The following RGS22 variants were observed in gnomAD, a reference collection of about 807,000 sequenced individuals.
RGS22 encodes regulator of G protein signaling 22.
RGS22 carries 148 observed loss-of-function variants against 172.9 expected under a neutral mutation model. That is an observed-to-expected ratio of 0.86 (90% CI 0.75 to 0.98). The LOEUF (loss-of-function observed/expected upper bound fraction) is 0.98, where lower values mean the gene tolerates loss of function less well. Ranked by LOEUF, RGS22 falls within the 50% of genes least tolerant of loss-of-function variation. The pLI, the probability that RGS22 is intolerant of heterozygous loss-of-function variation, is 0.00. For missense variants in RGS22, 1,347 were observed against 1,440.8 expected (o/e 0.93, Z 1.05); for synonymous variants, 458 against 480.2 (o/e 0.95, Z 0.60).
chr8:100,037,255 C>T (rs1819606573), intron 14 of RGS22, among the ~76,000 whole-genome samples: 1 of 152,160 alleles, frequency 6.6e-6, no homozygotes, highest in Non-Finnish European at 1.5e-5. Context: ...GATCCCTCCA[C>T]TGCACTCCAG....
At chr8:99,963,172 G>C (rs2131070470) in intron 24 of RGS22, among the ~76,000 whole-genome samples, 194 bp from the exon 25 acceptor site, 1 of 152,142 alleles carries the variant, frequency 6.6e-6, no homozygotes, top group Middle Eastern at 3.4e-3. Context: ...CCTTTTAACT[G>C]GGTACCACAA....
At chr8:100,043,523 T>C (rs546337303) in intron 11 of RGS22, among the ~76,000 whole-genome samples, 1 of 152,128 alleles carries the variant, frequency 6.6e-6, no homozygotes, top group East Asian at 1.9e-4. Flanking sequence ...ACGCCTATAA[T>C]CCCAGCACTT....
chr8:99,967,498 C>A (rs932255757), intron 23 of RGS22, among the ~76,000 whole-genome samples: 6 of 152,146 alleles, frequency 3.9e-5, no homozygotes, highest in Non-Finnish European at 7.3e-5. Flanking sequence ...ATTCTCACTG[C>A]CAGCACAAAA....
intron 21 of RGS22, among the ~76,000 whole-genome samples, chr8:99,982,531 A>G (rs1812655298): frequency 1.3e-5 from 2 of 152,126 alleles, no homozygotes; most frequent in African/African-American, 4.8e-5. Flanking sequence ...CCTATTTTGG[A>G]TAGTTAATAA....
At chr8:100,071,644 TTGA>T (rs1810988795) in intron 5 of RGS22, 107 bp from the exon 6 acceptor site, 2 of 707,636 alleles carry the variant, frequency 2.8e-6, no homozygotes, top group East Asian at 6.0e-5. Context: ...CTCCTCACTC[TTGA>T]TGATGATTTT....
chr8:99,974,183 T>C (rs1009932455), intron 23 of RGS22, among the ~76,000 whole-genome samples: 2 of 152,286 alleles, frequency 1.3e-5, no homozygotes, highest in South Asian at 2.1e-4. Context: ...TGTAAATGTG[T>C]TGAATACCTT....
chr8:100,044,848 G>T (rs1192915856), intron 11 of RGS22, among the ~76,000 whole-genome samples: 1 of 151,816 alleles, frequency 6.6e-6, no homozygotes, highest in Non-Finnish European at 1.5e-5. Context: ...TCCAAACCTA[G>T]ATTTCAACTG....
At chr8:100,035,393 C>G (rs1014238658) in intron 14 of RGS22, among the ~76,000 whole-genome samples, 2 of 152,178 alleles carry the variant, frequency 1.3e-5, no homozygotes, top group African/African-American at 4.8e-5. Flanking sequence ...AAATGCAAAT[C>G]AAAACCACAA....
At chr8:100,036,517 A>C (rs907871898) in intron 14 of RGS22, among the ~76,000 whole-genome samples, 1 of 152,190 alleles carries the variant, frequency 6.6e-6, no homozygotes, top group African/African-American at 2.4e-5. Flanking sequence ...AAAATCATGT[A>C]AGTCTCTTGA....
At chr8:100,005,923 C>T (rs950384653) in intron 16 of RGS22, 94 bp downstream of exon 16, 1 of 796,500 alleles carries the variant, frequency 1.3e-6, no homozygotes, top group Admixed American at 2.5e-5. Flanking sequence ...CCTATATGAT[C>T]TCGTCACTCT....
chr8:99,986,530 G>C (rs1045595269), intron 21 of RGS22, among the ~76,000 whole-genome samples: 1 of 152,126 alleles, frequency 6.6e-6, no homozygotes, highest in Non-Finnish European at 1.5e-5. Context: ...TTTAAGCAAA[G>C]ACTGAAATAC....
rs766028304 is a variant in RGS22 at position 100,040,079 on chromosome 8, G to A, written c.1947C>T (p.Thr649=). Reference sequence around the variant, plus strand: ...CTCCCAAGGCACCAACATCTGACACGGTTTTAACCTAGATAACAAAACAGA... The same window carrying A: ...CTCCCAAGGCACCAACATCTGACACAGTTTTAACCTAGATAACAAAACAGA... ...YAYTEEPRVK[T]VSDVGALGGS... is the part of the protein sequence containing the mutation. The change falls in exon 13 of 28, where the codon ACC becomes ACT. Residue 649 remains threonine (T), a synonymous_variant. Transcript: ENST00000360863. 8 of 1,606,920 alleles carry A rather than the reference G, an allele frequency of 5.0e-6. No individual in the cohort carries two copies. The Admixed American group carries it at 6.9e-5, about 14-fold the overall frequency.
At chr8:100,051,442 T>TTATA (rs1563668768) in intron 10 of RGS22, among the ~76,000 whole-genome samples, 1 of 108,024 alleles carries the variant, frequency 9.3e-6, no homozygotes, top group Non-Finnish European at 1.7e-5. Flanking sequence ...ATTTATATAT[T>TTATA]TATTTATATT....
intron 3 of RGS22, among the ~76,000 whole-genome samples, chr8:100,091,139 C>T (rs1433398641): frequency 6.6e-6 from 1 of 152,040 alleles, no homozygotes; most frequent in African/African-American, 2.4e-5. Context: ...TTGCCAGACA[C>T]TTAGTTTGAG....
chr8:100,033,362 A>C (rs1340810453), intron 14 of RGS22, among the ~76,000 whole-genome samples: 1 of 152,168 alleles, frequency 6.6e-6, no homozygotes, highest in Non-Finnish European at 1.5e-5. Flanking sequence ...CAGAAATACA[A>C]ACTACCATCA....
chr8:99,977,324 T>C (rs1444056135), intron 23 of RGS22, among the ~76,000 whole-genome samples: 1 of 148,016 alleles, frequency 6.8e-6, no homozygotes. Context: ...GGTTTCACTG[T>C]GTTGCCCAGG....
chr8:100,000,581 A>G lies in RGS22; in HGVS notation c.2791-1161T>C, dbSNP rs114767875. ...TCTGTAGTAAGCACATCTATTTGCT[A>G]TGATAGCAATGGGTGACTTTCACTG... On this transcript the variant is annotated intron_variant, in intron 18 of 27. Transcript: ENST00000360863. Among the ~76,000 whole-genome samples the G allele has an allele frequency of 2.2e-3, 336 of 152,310 alleles. 3 individuals are homozygous for G. Among genetic ancestry groups the G allele is most frequent in the African/African-American group, 7.8e-3 (324 of 41,566 alleles).
At chr8:99,971,259 T>A (rs958656023) in intron 23 of RGS22, among the ~76,000 whole-genome samples, 1 of 152,156 alleles carries the variant, frequency 6.6e-6, no homozygotes, top group Non-Finnish European at 1.5e-5. Context: ...GAAAAACCCA[T>A]AGCCAATATC....
chr8:100,072,246 G>GA lies in RGS22; in HGVS notation c.340-17dup, dbSNP rs763280468. 6.8e-7 allele frequency: 1 copy of GA among 1,479,152 alleles called. No individual in the cohort carries two copies. Among genetic ancestry groups the GA allele is most frequent in the Non-Finnish European group, 9.2e-7 (1 of 1,086,346 alleles). 91.6% of individuals were successfully genotyped at this position (1,479,152 alleles called of 1,614,324 possible). A position where few individuals can be genotyped will look rare whatever the true frequency, so the allele number is the denominator to read the frequency against. On this transcript the variant is annotated splice_polypyrimidine_tract_variant and intron_variant, in intron 4 of 27. Transcript: ENST00000360863. ...GACTGAGACACTATGAGAAGAAAGA[G>GA]AAAAAGAAAAAGAAGGTCAGAGAAA...
Sources: allele counts gnomAD v4.1 joint callset (sites outside exome capture counted in the v4.1 genomes callset), GRCh38; gene constraint gnomAD v4.1.1; transcripts MANE v1.5; gene names NCBI Gene and HGNC (gene_info 2026-07-23, HGNC 2026-07-21).